Variants in BIRC6 observed in about 807,000 individuals in gnomAD.
The protein encoded by BIRC6 is dual E2 ubiquitin-conjugating enzyme/E3 ubiquitin-protein ligase BIRC6.
Under a neutral mutation model 503.3 loss-of-function variants are expected in BIRC6, and 98 were observed. That is an observed-to-expected ratio of 0.19 (90% CI 0.17 to 0.23). The LOEUF (loss-of-function observed/expected upper bound fraction) is 0.23. Among genes scored for constraint, BIRC6 ranks in the 10% least tolerant of loss-of-function variants. The probability of loss-of-function intolerance (pLI) is 1.00; values close to 1 mark genes in which losing one functional copy is unlikely to be tolerated. For missense variants in BIRC6, 5,360 were observed against 5,806.0 expected, an observed-to-expected ratio of 0.92 and a Z score of 2.50; for synonymous variants, 2,240 against 2,078.7, an observed-to-expected ratio of 1.08 and a Z score of -2.11.
Position 32,587,901 on chromosome 2 carries a change from T to G in BIRC6, c.13356-6014T>G, listed in dbSNP as rs574215969. On this transcript the variant is annotated intron_variant, in intron 66 of 73. Coordinates refer to ENST00000421745, the MANE Select transcript of BIRC6 (RefSeq NM_016252.4). The stretch of plus-strand genomic sequence containing the variant: ...AAAGGGCAGCATATTTCACTAAATA[T>G]CCATAGTATTCTAGTCACGTCTAAT... Among the ~76,000 whole-genome samples the G allele has an allele frequency of 3.9e-5, 6 of 152,314 alleles. No individual in the cohort carries two copies. The South Asian group carries it at 6.2e-4, about 16-fold the overall frequency.
At chr2:32,575,456 G>A (rs2060197907) in intron 66 of BIRC6, 90 bp downstream of exon 66, 5 of 1,246,904 alleles carry the variant, frequency 4.0e-6, no homozygotes, top group Non-Finnish European at 5.8e-6. Context: ...TCAGTGATAT[G>A]TGCTTTTTAA....
chr2:32,552,796 CAAAT>C (rs1020086165), intron 65 of BIRC6, among the ~76,000 whole-genome samples: 1 of 151,540 alleles, frequency 6.6e-6, no homozygotes, highest in African/African-American at 2.4e-5. Flanking sequence ...AACCCTGTCT[CAAAT>C]AAATAAATAG....
At chr2:32,568,327 C>T (rs560468909) in intron 65 of BIRC6, among the ~76,000 whole-genome samples, 32 of 149,176 alleles carry the variant, frequency 2.1e-4, no homozygotes, top group East Asian at 4.0e-4. Context: ...CCCAACTCTA[C>T]GAAAAAATAG....
In BIRC6 at chr2:32,436,060, A is replaced by T. The variant is rs1044631354; in HGVS notation, c.3507A>T (p.Arg1169Ser). ...HMDVEESQCLRLCPFLEDHKE... is the reference protein window; with the variant it reads ...HMDVEESQCLSLCPFLEDHKE... ...ATGTATTTTTCTTTTTAGGTCTTAG[A>T]TTATGTCCATTTTTGGAGGATCATA... The change falls in exon 15 of 74, where the codon AGA becomes AGT. Residue 1169 changes from arginine (R) to serine (S), a missense_variant. Transcript: ENST00000421745. 3 of 1,420,282 alleles carry T rather than the reference A, an allele frequency of 2.1e-6. No individual in the cohort carries two copies. Among genetic ancestry groups the T allele is most frequent in the Admixed American group, 5.2e-5 (2 of 38,302 alleles). The allele number at this position is 1,420,282 out of a possible 1,614,324, so 88.0% of individuals were successfully genotyped here. A position where few individuals can be genotyped will look rare whatever the true frequency, so the allele number is the denominator to read the frequency against.
At chr2:32,615,744 C>T (rs1440973121) in intron 73 of BIRC6, among the ~76,000 whole-genome samples, 1 of 152,170 alleles carries the variant, frequency 6.6e-6, no homozygotes, top group African/African-American at 2.4e-5. Context: ...AAGCGATGCT[C>T]CTGCCTCAGC....
At chr2:32,410,667 T>A (rs1384805635) in intron 9 of BIRC6, among the ~76,000 whole-genome samples, 1 of 152,036 alleles carries the variant, frequency 6.6e-6, no homozygotes, top group Non-Finnish European at 1.5e-5. Context: ...TGGTTCTTCA[T>A]GAATCTCAGT....
intron 1 of BIRC6, among the ~76,000 whole-genome samples, chr2:32,368,732 A>T (rs1000947899): frequency 6.6e-6 from 1 of 151,748 alleles, no homozygotes; most frequent in Non-Finnish European, 1.5e-5. Context: ...GCTCACTTCA[A>T]CGTCTTCCTC....
intron 52 of BIRC6, 41 bp downstream of exon 52, chr2:32,510,035 A>G (rs752667336): frequency 6.2e-7 from 1 of 1,600,604 alleles, no homozygotes; most frequent in Non-Finnish European, 8.5e-7. Context: ...ACATATCTGT[A>G]AAGTAACAGC....
At chr2:32,564,993 AG>A (rs2059434304) in intron 65 of BIRC6, 1 of 152,176 alleles carries the variant, frequency 6.6e-6, no homozygotes, top group Non-Finnish European at 1.5e-5. Context: ...ACTGAGTTTT[AG>A]TACATTTTCT....
intron 10 of BIRC6, among the ~76,000 whole-genome samples, chr2:32,422,322 T>C (rs2043032833): frequency 6.6e-6 from 1 of 152,218 alleles, no homozygotes; most frequent in Non-Finnish European, 1.5e-5. Flanking sequence ...TTTGAGTTTT[T>C]AAAATGTTCT....
chr2:32,452,339 A>T (rs2046815488), intron 22 of BIRC6, among the ~76,000 whole-genome samples: 1 of 152,114 alleles, frequency 6.6e-6, no homozygotes, highest in South Asian at 2.1e-4. Context: ...TTTTTCATCA[A>T]ATTATGCTAT....
intron 65 of BIRC6, among the ~76,000 whole-genome samples, chr2:32,551,948 A>T (rs1162360817): frequency 2.0e-5 from 3 of 152,222 alleles, no homozygotes; most frequent in Non-Finnish European, 4.4e-5. Context: ...TATTCAAGGG[A>T]TGATTTGCTT....
chr2:32,501,482 G>T (rs990329322), intron 46 of BIRC6, among the ~76,000 whole-genome samples: 4 of 152,116 alleles, frequency 2.6e-5, no homozygotes, highest in African/African-American at 9.7e-5. Flanking sequence ...TGTGTAGAGG[G>T]TTTAGACAGC....
chr2:32,467,505 G>C lies in BIRC6; in HGVS notation c.5357-20G>C. The C allele has an allele frequency of 6.2e-7, 1 of 1,603,108 alleles. No individual in the cohort carries two copies. ...TTAATTGATATATTTTTGGTCAACTGTTTCTTCTTTCTCTCATAGGAGCAA... is the reference window on the plus strand; with the variant it reads ...TTAATTGATATATTTTTGGTCAACTCTTTCTTCTTTCTCTCATAGGAGCAA... On this transcript the variant is annotated intron_variant, in intron 26 of 73. Coordinates refer to ENST00000421745, the MANE Select transcript of BIRC6 (RefSeq NM_016252.4).
intron 73 of BIRC6, among the ~76,000 whole-genome samples, chr2:32,616,562 A>C (rs1384582955): frequency 2.4e-5 from 1 of 41,156 alleles, no homozygotes. Context: ...CTTGTTCTCA[A>C]AAAAAAAAAA....
At chr2:32,492,686 A>C (rs2051898512) in intron 44 of BIRC6, among the ~76,000 whole-genome samples, 2 of 152,114 alleles carry the variant, frequency 1.3e-5, no homozygotes, top group African/African-American at 4.8e-5. Context: ...GAATAAAAGA[A>C]AGGAGGAAAT....
intron 65 of BIRC6, among the ~76,000 whole-genome samples, chr2:32,560,927 C>T (rs896880583): frequency 2.0e-5 from 3 of 151,730 alleles, no homozygotes; most frequent in Middle Eastern, 3.4e-3. Flanking sequence ...AGGCCGGGGG[C>T]GGTGGCTCAC....
chr2:32,451,944 A>G (rs1326629622), intron 22 of BIRC6, among the ~76,000 whole-genome samples: 1 of 152,216 alleles, frequency 6.6e-6, no homozygotes, highest in Non-Finnish European at 1.5e-5. Flanking sequence ...TATTTTCCAA[A>G]TGATCAATGC....
intron 9 of BIRC6, among the ~76,000 whole-genome samples, chr2:32,408,560 T>C (rs567485991): frequency 1.3e-5 from 2 of 152,350 alleles, no homozygotes; most frequent in African/African-American, 2.4e-5. Flanking sequence ...AGTTTTGTTA[T>C]TTTCCCTGGG....
Sources: gnomAD v4.1 joint callset for allele counts (sites outside exome capture counted in the v4.1 genomes callset) on GRCh38, gnomAD v4.1.1 for gene constraint, MANE v1.5 for transcripts, NCBI Gene and HGNC (gene_info 2026-07-23, HGNC 2026-07-21) for gene names.